Variants in ARHGAP35 observed in about 807,000 individuals in gnomAD.
The protein encoded by ARHGAP35 is rho GTPase-activating protein 35.
A neutral mutation model predicts 111.1 loss-of-function variants in ARHGAP35; 15 were observed. That is an observed-to-expected ratio of 0.13 (90% CI 0.09 to 0.21). ARHGAP35 has a LOEUF of 0.21. Ranked by LOEUF, ARHGAP35 falls within the 10% of genes least tolerant of loss-of-function variation. The pLI is 1.00. For synonymous variants in ARHGAP35, 643 were observed against 710.3 expected (o/e 0.91, Z 1.51); for missense variants, 1,262 against 1,873.0 (o/e 0.67, Z 6.02).
intron 1 of ARHGAP35, among the ~76,000 whole-genome samples, chr19:46,912,550 A>G (rs1018299051): frequency 2.7e-5 from 4 of 150,296 alleles, no homozygotes; most frequent in Admixed American, 1.3e-4. Flanking sequence ...TAGAGACAGG[A>G]TTTCACCATG....
At chr19:46,929,365 G>A (rs1034105355) in intron 2 of ARHGAP35, among the ~76,000 whole-genome samples, 4 of 152,116 alleles carry the variant, frequency 2.6e-5, no homozygotes, top group Non-Finnish European at 5.9e-5. Flanking sequence ...AATACTGAAT[G>A]CAAGAAAGTG....
At chr19:46,875,373 G>C (rs139414694) in intron 1 of ARHGAP35, among the ~76,000 whole-genome samples, 1 of 152,188 alleles carries the variant, frequency 6.6e-6, no homozygotes, top group East Asian at 1.9e-4. Context: ...ACATCACCTA[G>C]AACATGACCT....
chr19:46,942,364 T>C (rs1437755678), intron 3 of ARHGAP35, among the ~76,000 whole-genome samples: 1 of 152,180 alleles, frequency 6.6e-6, no homozygotes, highest in Non-Finnish European at 1.5e-5. Flanking sequence ...CCGGGTGCAG[T>C]GGCTCACACC....
Position 46,908,411 on chromosome 19 carries a change from A to G in ARHGAP35, c.-188-10077A>G, listed in dbSNP as rs564636196. The stretch of plus-strand genomic sequence containing the variant: ...ACCTAGGCTTATTGGAGTGCCTCCA[A>G]TTTCGAATTTGCCTTGGTTTTGTAT... On this transcript the variant is annotated intron_variant, in intron 1 of 6. Coordinates refer to ENST00000672722, the MANE Select transcript of ARHGAP35 (RefSeq NM_004491.5). This position sits in a 1 kb window ranked among gnomAD's most constrained non-coding sequence, Gnocchi z 4.2. Among the ~76,000 whole-genome samples the G allele has an allele frequency of 1.3e-4, 20 of 152,236 alleles. 1 individual carries two copies. The South Asian group carries it at 2.7e-3, about 20-fold the overall frequency.
chr19:46,972,816 G>GA (rs2056558121), intron 3 of ARHGAP35, among the ~76,000 whole-genome samples: 1 of 152,114 alleles, frequency 6.6e-6, no homozygotes, highest in South Asian at 2.1e-4. Flanking sequence ...GATTCAGAAG[G>GA]ATGAAGACAG....
At chr19:46,939,901 G>C (rs1267938821) in intron 3 of ARHGAP35, among the ~76,000 whole-genome samples, 5 of 151,188 alleles carry the variant, frequency 3.3e-5, no homozygotes, top group Non-Finnish European at 7.4e-5. Context: ...ACAAAACACT[G>C]TTTTGGTCCA....
At chr19:46,956,998 C>T (rs1479481440) in intron 3 of ARHGAP35, among the ~76,000 whole-genome samples, 11 of 121,430 alleles carry the variant, frequency 9.1e-5, no homozygotes, top group African/African-American at 3.0e-4. Flanking sequence ...CTCGCTCTGT[C>T]GCCCAGGGTG....
chr19:46,920,137 G>A lies in ARHGAP35; in HGVS notation c.1462G>A (p.Ala488Thr). 6.2e-7 allele frequency: 1 copy of A among 1,613,932 alleles called. No individual in the cohort carries two copies. The highest frequency in any genetic ancestry group is 8.5e-7 in the Non-Finnish European group (1 of 1,179,896). Residue 488 changes from alanine to threonine, a missense_variant, in exon 2 of 7, where the codon GCA becomes ACA. Coordinates refer to ENST00000672722, the MANE Select transcript of ARHGAP35 (RefSeq NM_004491.5). This position sits in a 1 kb window ranked among gnomAD's most constrained non-coding sequence, Gnocchi z 7.0. ...ACACCAAAAGCAAATTATAGATAAA[G>A]CAAAGGAAGAATTTCAGGAGTTGCT... ...GKHQKQIIDK[A>T]KEEFQELLLE...
At chr19:46,891,737 C>A (rs1233453552) in intron 1 of ARHGAP35, among the ~76,000 whole-genome samples, 1 of 152,104 alleles carries the variant, frequency 6.6e-6, no homozygotes, top group Non-Finnish European at 1.5e-5. Flanking sequence ...GGCAAAGGTT[C>A]TTAATCCAGG....
At chr19:46,964,954 A>AC (rs943342993) in intron 3 of ARHGAP35, among the ~76,000 whole-genome samples, 3 of 152,194 alleles carry the variant, frequency 2.0e-5, no homozygotes, top group Admixed American at 6.5e-5. Flanking sequence ...TCATAGTACT[A>AC]CCTTTTGATA....
At chr19:46,943,426 A>G (rs1382097452) in intron 3 of ARHGAP35, among the ~76,000 whole-genome samples, 1 of 152,118 alleles carries the variant, frequency 6.6e-6, no homozygotes, top group African/African-American at 2.4e-5. Context: ...ATAGGGTTGT[A>G]TTGAATAATT....
At chr19:46,974,913 C>CT (rs1335190606) in intron 3 of ARHGAP35, among the ~76,000 whole-genome samples, 1 of 152,184 alleles carries the variant, frequency 6.6e-6, no homozygotes, top group African/African-American at 2.4e-5. Flanking sequence ...TCACTGTTGC[C>CT]TGGGCTGAGT....
At chr19:46,883,389 C>T (rs2055974678) in intron 1 of ARHGAP35, among the ~76,000 whole-genome samples, 1 of 152,290 alleles carries the variant, frequency 6.6e-6, no homozygotes, top group East Asian at 1.9e-4. Flanking sequence ...GCGTGAGCCA[C>T]TGTGCCCGGC....
intron 1 of ARHGAP35, among the ~76,000 whole-genome samples, chr19:46,891,657 C>G (rs988848568): frequency 2.6e-5 from 4 of 152,056 alleles, no homozygotes; most frequent in Non-Finnish European, 5.9e-5. Flanking sequence ...AATCTCTTGA[C>G]ATCGTGATCT....
chr19:46,976,798 C>T (rs1215301318), intron 3 of ARHGAP35, among the ~76,000 whole-genome samples: 1 of 152,240 alleles, frequency 6.6e-6, no homozygotes, highest in Non-Finnish European at 1.5e-5. Flanking sequence ...GTGGAGCTGG[C>T]CTGACTGTGC....
At chr19:46,972,274 T>C (rs946910813) in intron 3 of ARHGAP35, among the ~76,000 whole-genome samples, 2 of 152,212 alleles carry the variant, frequency 1.3e-5, no homozygotes, top group Non-Finnish European at 2.9e-5. Flanking sequence ...CCTCCCAAAG[T>C]GCTGGGATTA....
chr19:46,902,183 G>GAT (rs1412625688), intron 1 of ARHGAP35, among the ~76,000 whole-genome samples: 1 of 152,170 alleles, frequency 6.6e-6, no homozygotes, highest in African/African-American at 2.4e-5. Flanking sequence ...AGTAGCCTGT[G>GAT]ATAGGTGGGA....
At chr19:46,944,529 T>C (rs114196105) in intron 3 of ARHGAP35, among the ~76,000 whole-genome samples, 214 of 152,278 alleles carry the variant, frequency 1.4e-3, no homozygotes, top group African/African-American at 4.9e-3. Context: ...CAGAACATGA[T>C]ATCTTGGGCG....
chr19:46,874,477 C>A (rs906008159), intron 1 of ARHGAP35, among the ~76,000 whole-genome samples: 3 of 150,918 alleles, frequency 2.0e-5, no homozygotes, highest in African/African-American at 7.3e-5. Context: ...AGAAAACGAT[C>A]CAAGCTCATG....
Sources: gnomAD v4.1 joint callset for allele counts (sites outside exome capture counted in the v4.1 genomes callset) on GRCh38, gnomAD v4.1.1 for gene constraint, Gnocchi (gnomAD v3.1) non-coding constraint, MANE v1.5 for transcripts, NCBI Gene and HGNC (gene_info 2026-07-23, HGNC 2026-07-21) for gene names.